PLB1: variants seen among roughly 807,000 people sequenced by gnomAD.
PLB1 encodes the protein phospholipase B1.
PLB1 carries 242 observed loss-of-function variants against 227.4 expected under a neutral mutation model. The observed-to-expected ratio is 1.06, with a 90% CI of 0.96 to 1.18. The LOEUF (loss-of-function observed/expected upper bound fraction) is 1.18, where lower values mean the gene tolerates loss of function less well. PLB1 is among the 50% of genes most tolerant of loss of function. The pLI, the probability that PLB1 is intolerant of heterozygous loss-of-function variation, is 0.00. For missense variants in PLB1, 1,858 were observed against 1,816.3 expected (o/e 1.02, Z -0.42); for synonymous variants, 757 against 682.2 (o/e 1.11, Z -1.71).
At chr2:28,638,139 A>G (rs186797184) in intron 56 of PLB1, among the ~76,000 whole-genome samples, 4 of 152,090 alleles carry the variant, frequency 2.6e-5, no homozygotes, top group Non-Finnish European at 5.9e-5. Context: ...CATACAGGAT[A>G]GTAGGGAAAA....
At chr2:28,545,384 C>T (rs1881254) in intron 14 of PLB1, among the ~76,000 whole-genome samples, 73,038 of 151,976 alleles carry the variant, frequency 0.48, 17,923 homozygotes, top group East Asian at 0.76. Flanking sequence ...GCCAGACCAT[C>T]CCACAGTTCC....
chr2:28,529,933 C>G (rs948993324), intron 8 of PLB1, among the ~76,000 whole-genome samples, 154 bp downstream of exon 8: 1 of 152,116 alleles, frequency 6.6e-6, no homozygotes, highest in African/African-American at 2.4e-5. Flanking sequence ...CATTCTCTGG[C>G]GGTCATTAGA....
intron 1 of PLB1, among the ~76,000 whole-genome samples, chr2:28,504,677 G>GGTTGCA (rs1667458285): frequency 6.6e-6 from 1 of 152,144 alleles, no homozygotes. Flanking sequence ...GGGAGGTGGA[G>GGTTGCA]GTTGCAGTGA....
At chr2:28,628,048 C>T (rs955697110) in intron 51 of PLB1, among the ~76,000 whole-genome samples, 3 of 152,228 alleles carry the variant, frequency 2.0e-5, no homozygotes, top group Non-Finnish European at 2.9e-5. Context: ...GCTGTGGACA[C>T]ACCTCTAAAT....
At chr2:28,530,089 G>T (rs1281663459) in intron 8 of PLB1, among the ~76,000 whole-genome samples, 1 of 152,060 alleles carries the variant, frequency 6.6e-6, no homozygotes, top group Non-Finnish European at 1.5e-5. Flanking sequence ...AAACTCCTGG[G>T]CTCAAGCCAT....
At chr2:28,620,729 T>A in intron 48 of PLB1, 86 bp downstream of exon 48, 1 of 1,583,524 alleles carries the variant, frequency 6.3e-7, no homozygotes, top group Non-Finnish European at 8.7e-7. Context: ...GAAGAGGAGG[T>A]TATCTGCAAG....
intron 17 of PLB1, among the ~76,000 whole-genome samples, chr2:28,560,973 C>T (rs543158276): frequency 6.6e-6 from 1 of 152,290 alleles, no homozygotes; most frequent in African/African-American, 2.4e-5. Flanking sequence ...CTTTTCCCTC[C>T]ATCACCCGAT....
chr2:28,543,903 T>C (rs1672855394), intron 14 of PLB1, among the ~76,000 whole-genome samples: 1 of 152,198 alleles, frequency 6.6e-6, no homozygotes, highest in Admixed American at 6.5e-5. Flanking sequence ...CCCAGGGATA[T>C]CTGGGATTAG....
chr2:28,633,407 TAA>T (rs1388550733), intron 56 of PLB1: 3 of 224,056 alleles, frequency 1.3e-5, no homozygotes, highest in African/African-American at 6.9e-5. Flanking sequence ...TCAACATCTA[TAA>T]AACAGTGAAA....
intron 17 of PLB1, 30 bp downstream of exon 17, chr2:28,553,021 A>T (rs771443242): frequency 5.6e-6 from 9 of 1,596,660 alleles, no homozygotes; most frequent in South Asian, 2.2e-5. Flanking sequence ...TGATTTTAAA[A>T]TTCATTCGAG....
At chr2:28,635,795 G>A (rs944919017) in intron 56 of PLB1, among the ~76,000 whole-genome samples, 10 of 152,166 alleles carry the variant, frequency 6.6e-5, no homozygotes, top group Admixed American at 2.6e-4. Flanking sequence ...TCTCTTTCCC[G>A]AGGCCTAGTC....
intron 43 of PLB1, among the ~76,000 whole-genome samples, chr2:28,607,908 T>C (rs1370801840): frequency 1.3e-5 from 2 of 152,160 alleles, no homozygotes; most frequent in African/African-American, 4.8e-5. Flanking sequence ...CATCATTTGC[T>C]CTTTCTTTCA....
At chr2:28,579,084 A>G (rs1304751848) in intron 22 of PLB1, among the ~76,000 whole-genome samples, 1 of 152,152 alleles carries the variant, frequency 6.6e-6, no homozygotes, top group Non-Finnish European at 1.5e-5. Flanking sequence ...ATCTTTTCAG[A>G]GCTTGTGCTT....
At chr2:28,528,683 A>G (rs897582369) in intron 6 of PLB1, among the ~76,000 whole-genome samples, 1 of 152,146 alleles carries the variant, frequency 6.6e-6, no homozygotes, top group African/African-American at 2.4e-5. Context: ...TCTAACTTGG[A>G]GATCATATTG....
At chr2:28,593,905 T>C in intron 33 of PLB1, 151 bp downstream of exon 33, 1 of 754,392 alleles carries the variant, frequency 1.3e-6, no homozygotes, top group Non-Finnish European at 2.4e-6. Flanking sequence ...CTGCAAAATG[T>C]GAACATTTGG....
intron 54 of PLB1, among the ~76,000 whole-genome samples, chr2:28,631,027 G>A (rs554423471): frequency 2.3e-4 from 35 of 151,878 alleles, no homozygotes; most frequent in Non-Finnish European, 4.3e-4. Flanking sequence ...AATGGCTCAC[G>A]TCTGGTGTCC....
intron 51 of PLB1, 141 bp from the exon 52 acceptor site, chr2:28,628,422 C>A: frequency 1.5e-6 from 1 of 681,056 alleles, no homozygotes; most frequent in Admixed American, 2.4e-5. Flanking sequence ...AAGAACTGGG[C>A]TTCTCAGTTT....
At position 28,581,501 on chromosome 2, in the gene PLB1, ATAAATAAAT is replaced by A. The variant is rs756915771; in HGVS notation, c.1567-566_1567-558del. 2.9e-3 allele frequency among the ~76,000 whole-genome samples: 354 copies of A among 123,314 alleles called. 6 individuals are homozygous for A. Among genetic ancestry groups the A allele is most frequent in the Non-Finnish European group, 4.2e-3 (252 of 60,684 alleles). 80.9% of individuals were successfully genotyped at this position (123,314 alleles called of 152,430 possible). ...TCCACGCAAAAAAATAAATAAATAA[ATAAATAAAT>A]AAATAAATAAATAAATAAATAAATA... is the stretch of plus-strand genomic sequence containing the variant. On this transcript the variant is annotated intron_variant, in intron 23 of 57. Transcript: ENST00000327757.
chr2:28,500,782 A>C (rs1423512520), intron 1 of PLB1, among the ~76,000 whole-genome samples: 1 of 152,188 alleles, frequency 6.6e-6, no homozygotes, highest in Admixed American at 6.5e-5. Flanking sequence ...AAATTCACTT[A>C]TGGACTCTTA....
Sources: gnomAD v4.1 joint callset for allele counts (sites outside exome capture counted in the v4.1 genomes callset) on GRCh38, gnomAD v4.1.1 for gene constraint, MANE v1.5 for transcripts, NCBI Gene and HGNC (gene_info 2026-07-23, HGNC 2026-07-21) for gene names.